ERAP1: variants seen among roughly 807,000 people sequenced by gnomAD.
ERAP1 encodes endoplasmic reticulum aminopeptidase 1.
A neutral mutation model predicts 103.7 loss-of-function variants in ERAP1; 86 were observed. That is an observed-to-expected ratio of 0.83 (90% confidence interval 0.70 to 0.99). ERAP1 has a LOEUF of 0.99. ERAP1 is among the 50% of genes least tolerant of loss of function. The pLI is 0.00. For missense variants in ERAP1, 1,009 were observed against 1,128.4 expected (o/e 0.89, Z 1.52); for synonymous variants, 398 against 402.4 (o/e 0.99, Z 0.13).
the ERAP1 span, among the ~76,000 whole-genome samples, chr5:96,826,279 C>A: frequency 6.6e-6 from 1 of 152,166 alleles, no homozygotes; most frequent in Non-Finnish European, 1.5e-5. Flanking sequence ...TAATGTCCTC[C>A]CCCACTGTCC....
the ERAP1 span, among the ~76,000 whole-genome samples, chr5:96,834,847 T>C: frequency 6.6e-6 from 1 of 152,258 alleles, no homozygotes; most frequent in African/African-American, 2.4e-5. Context: ...TTCATTTCTA[T>C]GTAATTTTTT....
chr5:96,765,058 A>G (rs948809042), intron 19 of ERAP1, among the ~76,000 whole-genome samples: 4 of 151,854 alleles, frequency 2.6e-5, no homozygotes, highest in African/African-American at 7.3e-5. Flanking sequence ...TTCCATTCCT[A>G]GGCTTCTCTT....
At chr5:96,860,008 A>T in the ERAP1 span, among the ~76,000 whole-genome samples, 11 of 152,246 alleles carry the variant, frequency 7.2e-5, no homozygotes, top group Admixed American at 6.5e-4. Flanking sequence ...TCATATTGAG[A>T]TAAAGTACAG....
At chr5:96,862,950 T>C in the ERAP1 span, among the ~76,000 whole-genome samples, 2 of 152,210 alleles carry the variant, frequency 1.3e-5, no homozygotes, top group Admixed American at 6.5e-5. Context: ...AGCTACCTCG[T>C]TTACCCTCAC....
the ERAP1 span, among the ~76,000 whole-genome samples, chr5:96,903,984 G>A: frequency 1.1e-4 from 16 of 152,108 alleles, no homozygotes; most frequent in African/African-American, 2.4e-4. Flanking sequence ...TTGAGCTTTC[G>A]ACCCCACATT....
At chr5:96,778,239 C>A (rs970449504) in intron 18 of ERAP1, among the ~76,000 whole-genome samples, 7 of 152,164 alleles carry the variant, frequency 4.6e-5, no homozygotes, top group Non-Finnish European at 1.0e-4. Flanking sequence ...AGCTTACAGT[C>A]TTTTGGGGTA....
At chr5:96,840,988 G>A in the ERAP1 span, among the ~76,000 whole-genome samples, 1 of 152,320 alleles carries the variant, frequency 6.6e-6, no homozygotes, top group African/African-American at 2.4e-5. Flanking sequence ...ACAGGCATGA[G>A]CCACTGCGCC....
chr5:96,875,575 C>A, the ERAP1 span, among the ~76,000 whole-genome samples: 1 of 151,422 alleles, frequency 6.6e-6, no homozygotes. Context: ...AATCAACAGG[C>A]TTTGGTAACA....
chr5:96,783,961 T>A lies in ERAP1; in HGVS notation c.2063A>T (p.Glu688Val), dbSNP rs762687849. 6.8e-6 allele frequency: 11 copies of A among 1,613,884 alleles called. No homozygotes were observed. The East Asian group carries it at 2.5e-4, about 36-fold the overall frequency. Residue 688 changes from glutamate (E) to valine (V), a missense_variant, in exon 14 of 19, where the codon GAG becomes GTG. Coordinates refer to ENST00000443439, the MANE Select transcript of ERAP1 (RefSeq NM_001040458.3). Reference sequence around the variant, plus strand: ...TTCCACTTCATTCATATCTCTTTTCTCCATTAACTTATACATAGGAATCAG... The same window carrying A: ...TTCCACTTCATTCATATCTCTTTTCACCATTAACTTATACATAGGAATCAG... ...NELIPMYKLM[E>V]KRDMNEVETQ...
At chr5:96,831,873 A>G in the ERAP1 span, among the ~76,000 whole-genome samples, 4 of 152,194 alleles carry the variant, frequency 2.6e-5, no homozygotes, top group African/African-American at 9.7e-5. Flanking sequence ...GGTGGGCTTG[A>G]GCTGGGTTGA....
the ERAP1 span, among the ~76,000 whole-genome samples, chr5:96,897,921 G>A: frequency 1.2e-4 from 18 of 152,272 alleles, no homozygotes; most frequent in East Asian, 3.5e-3. Context: ...TCATGGCCGG[G>A]TACAATGGCT....
the ERAP1 span, chr5:96,884,056 A>ATCTC: frequency 8.1e-6 from 5 of 619,870 alleles, no homozygotes; most frequent in East Asian, 3.2e-5. Context: ...CTATCTATCT[A>ATCTC]TCTATCTATC....
the ERAP1 span, among the ~76,000 whole-genome samples, chr5:96,898,583 A>AAAG: frequency 1.3e-5 from 2 of 150,300 alleles, no homozygotes; most frequent in African/African-American, 4.9e-5. Context: ...AAAAAAAAAA[A>AAAG]AAAAAAAAAT....
chr5:96,925,500 C>T, the ERAP1 span, among the ~76,000 whole-genome samples: 1 of 152,216 alleles, frequency 6.6e-6, no homozygotes, highest in Non-Finnish European at 1.5e-5. Flanking sequence ...TCCTTATTTA[C>T]CCTAGAATTC....
intron 5 of ERAP1, among the ~76,000 whole-genome samples, chr5:96,794,557 T>C (rs899555972): frequency 2.6e-5 from 4 of 152,130 alleles, no homozygotes; most frequent in Non-Finnish European, 4.4e-5. Context: ...AACTAAACAA[T>C]TATAATAATC....
downstream of ERAP1, chr5:96,772,713 A>G (rs1040853591): frequency 1.3e-5 from 2 of 152,714 alleles, no homozygotes; most frequent in Non-Finnish European, 1.5e-5. Flanking sequence ...ACAGAAAACA[A>G]TTGTTCTGGG....
chr5:96,879,686 A>T, the ERAP1 span: 1 of 1,611,448 alleles, frequency 6.2e-7, no homozygotes. Context: ...AATAGATTTC[A>T]TGTTCCATTC....
the ERAP1 span, among the ~76,000 whole-genome samples, chr5:96,838,017 T>C: frequency 8.0e-5 from 12 of 150,018 alleles, no homozygotes; most frequent in Admixed American, 6.6e-5. Context: ...CTTCTCTCTC[T>C]GCTGGTGGAG....
At chr5:96,855,314 G>A in the ERAP1 span, among the ~76,000 whole-genome samples, 3 of 152,180 alleles carry the variant, frequency 2.0e-5, no homozygotes, top group Admixed American at 6.5e-5. Flanking sequence ...GATAAGGAAT[G>A]TTCTAAAAGA....
Sources: gnomAD v4.1 joint callset for allele counts (sites outside exome capture counted in the v4.1 genomes callset) on GRCh38, gnomAD v4.1.1 for gene constraint, MANE v1.5 for transcripts, NCBI Gene and HGNC (gene_info 2026-07-23, HGNC 2026-07-21) for gene names.